The following PRDM16 variants were observed in gnomAD, a reference collection of about 807,000 sequenced individuals.
PRDM16 encodes PR/SET domain 16, also known as histone-lysine N-methyltransferase PRDM16.
Under a neutral mutation model 110.6 loss-of-function variants are expected in PRDM16, and 23 were observed. That is an observed-to-expected ratio of 0.21 (90% CI 0.15 to 0.29). PRDM16 has a LOEUF of 0.29. Ranked by LOEUF, PRDM16 falls within the 10% of genes least tolerant of loss-of-function variation. The pLI is 1.00. For missense variants in PRDM16, 1,615 were observed against 1,794.3 expected (o/e 0.90, Z 1.81); for synonymous variants, 799 against 781.8 (o/e 1.02, Z -0.37).
chr1:3,246,004 G>A lies in PRDM16; in HGVS notation c.438+1867G>A, dbSNP rs1483006581. Among the ~76,000 whole-genome samples the A allele has an allele frequency of 6.6e-6, 1 of 152,152 alleles. No individual in the cohort carries two copies. Among genetic ancestry groups the A allele is most frequent in the Non-Finnish European group, 1.5e-5 (1 of 68,042 alleles). On this transcript the variant is annotated intron_variant, in intron 3 of 16. Coordinates refer to ENST00000270722, the MANE Select transcript of PRDM16 (RefSeq NM_022114.4). The surrounding 1 kb of genome is among the most constrained non-coding windows in gnomAD (Gnocchi z 5.2). ...GTTAGAAGGGGATCAGTTTATGCTG[G>A]GAGGGGTTGCTTGGTCTAGGAACAG...
chr1:3,118,202 C>T (rs573755529), intron 1 of PRDM16, among the ~76,000 whole-genome samples: 14 of 152,030 alleles, frequency 9.2e-5, no homozygotes, highest in Non-Finnish European at 1.3e-4. Context: ...CATGTACACA[C>T]GCACACACGC....
In PRDM16 at chr1:3,430,907, G is replaced by A. The variant is rs1220618976; in HGVS notation, c.3320G>A (p.Cys1107Tyr). Residue 1107 changes from cysteine (C) to tyrosine (Y), a missense_variant, in exon 15 of 17, where the codon TGT (cysteine) becomes TAT (tyrosine). By Grantham distance (194) the Cys-to-Tyr change is radical. This residue lies in a region of PRDM16 where 327 missense variants were observed against 359.3 expected (regional missense o/e 0.91). Coordinates refer to ENST00000270722, the MANE Select transcript of PRDM16 (RefSeq NM_022114.4). ...DMQIVDGSAQ[C>Y]PGLASEKQED... is the part of the protein sequence containing the mutation. Reference sequence around the variant, plus strand: ...CAGATCGTGGACGGCAGTGCCCAGTGTCCAGGCCTAGCCAGTGAGAAGCAG... The same window carrying A: ...CAGATCGTGGACGGCAGTGCCCAGTATCCAGGCCTAGCCAGTGAGAAGCAG... The A allele has an allele frequency of 1.9e-6, 3 of 1,614,150 alleles. No homozygotes were observed. Among genetic ancestry groups the A allele is most frequent in the African/African-American group, 1.3e-5 (1 of 75,068 alleles).
chr1:3,098,007 T>C (rs980959667), intron 1 of PRDM16, among the ~76,000 whole-genome samples: 1 of 152,134 alleles, frequency 6.6e-6, no homozygotes, highest in African/African-American at 2.4e-5. Context: ...AGGTGTCCAA[T>C]GGTGCTCCTC....
At chr1:3,186,632 G>A (rs760452679) in intron 2 of PRDM16, 158 bp downstream of exon 2, 75 of 573,164 alleles carry the variant, frequency 1.3e-4, no homozygotes, top group South Asian at 5.2e-4. Context: ...CCTGCAGCTC[G>A]CCTGATGCGA....
At position 3,350,070 on chromosome 1, in the gene PRDM16, G is replaced by A. The variant is rs1316078557; in HGVS notation, c.439-35082G>A. On this transcript the variant is annotated intron_variant, in intron 3 of 16. Transcript: ENST00000270722. The surrounding 1 kb of genome is among the most constrained non-coding windows in gnomAD (Gnocchi z 7.1). ...GAAAAGACCTGGGGCCAGGTGCAGTGGCCCAAAATCCCAGCACCTTGGGAG... is the reference window on the plus strand; with the variant it reads ...GAAAAGACCTGGGGCCAGGTGCAGTAGCCCAAAATCCCAGCACCTTGGGAG... Among the ~76,000 whole-genome samples, 1 of 152,202 alleles carries A rather than the reference G, an allele frequency of 6.6e-6. No individual in the cohort carries two copies. The highest frequency in any genetic ancestry group is 1.5e-5 in the Non-Finnish European group (1 of 68,034).
intron 5 of PRDM16, among the ~76,000 whole-genome samples, chr1:3,401,532 A>G (rs1643467549): frequency 6.7e-6 from 1 of 149,382 alleles, no homozygotes; most frequent in African/African-American, 2.5e-5. Flanking sequence ...GCATACACAC[A>G]TTCATATACA....
intron 8 of PRDM16, among the ~76,000 whole-genome samples, chr1:3,410,987 T>C (rs1643675348): frequency 6.6e-6 from 1 of 152,170 alleles, no homozygotes; most frequent in Non-Finnish European, 1.5e-5. Context: ...CAGCAGGAAC[T>C]GTACCAACCG....
chr1:3,336,922 CTTGT>C (rs1293561688), intron 3 of PRDM16, among the ~76,000 whole-genome samples: 1 of 136,990 alleles, frequency 7.3e-6, no homozygotes, highest in African/African-American at 2.8e-5. Context: ...TGTGTGAATG[CTTGT>C]ATGCACATGT....
At chr1:3,298,227 A>T in intron 3 of PRDM16, among the ~76,000 whole-genome samples, 1 of 152,178 alleles carries the variant, frequency 6.6e-6, no homozygotes, top group East Asian at 1.9e-4. Flanking sequence ...TGTGCAGGGG[A>T]CACTTTCCTC....
At chr1:3,270,880 AG>A (rs1224096667) in intron 3 of PRDM16, among the ~76,000 whole-genome samples, 1 of 151,476 alleles carries the variant, frequency 6.6e-6, no homozygotes, top group Non-Finnish European at 1.5e-5. Context: ...ACAGTCCAGG[AG>A]GAGGACCGTT....
chr1:3,162,297 A>G (rs1038234508), intron 1 of PRDM16, among the ~76,000 whole-genome samples: 3 of 148,886 alleles, frequency 2.0e-5, no homozygotes, highest in African/African-American at 7.4e-5. Context: ...CTTTCTCATC[A>G]CCCGCCACAG....
intron 2 of PRDM16, among the ~76,000 whole-genome samples, chr1:3,189,946 G>T (rs897594754): frequency 6.6e-6 from 1 of 152,220 alleles, no homozygotes; most frequent in African/African-American, 2.4e-5. Flanking sequence ...TCTTGTTCTG[G>T]AGAATTCAGT....
intron 3 of PRDM16, among the ~76,000 whole-genome samples, chr1:3,375,643 G>C (rs1032569089): frequency 6.6e-6 from 1 of 152,206 alleles, no homozygotes; most frequent in Non-Finnish European, 1.5e-5. Context: ...TGTGGCAGGG[G>C]GCACAGCACA....
intron 3 of PRDM16, among the ~76,000 whole-genome samples, chr1:3,373,244 C>T (rs1453994916): frequency 3.9e-5 from 6 of 152,130 alleles, no homozygotes; most frequent in Non-Finnish European, 5.9e-5. Context: ...CGGCGGGAAA[C>T]GGCAACAATG....
Position 3,081,350 on chromosome 1 carries a change from C to T in PRDM16, c.37+12054C>T, listed in dbSNP as rs1206986030. ...TTGCGTCCGCTCCTGACAGGTGACC[C>T]TTGTTCAAAGGGAACGAGGGGCTGG... On this transcript the variant is annotated intron_variant, in intron 1 of 16. Coordinates refer to ENST00000270722, the MANE Select transcript of PRDM16 (RefSeq NM_022114.4). This position sits in a 1 kb window ranked among gnomAD's most constrained non-coding sequence, Gnocchi z 4.6. Among the ~76,000 whole-genome samples, 1 of 152,166 alleles carries T rather than the reference C, an allele frequency of 6.6e-6. No homozygotes were observed. Among genetic ancestry groups the T allele is most frequent in the Non-Finnish European group, 1.5e-5 (1 of 68,026 alleles).
chr1:3,335,958 G>A (rs1642137567), intron 3 of PRDM16, among the ~76,000 whole-genome samples: 1 of 152,250 alleles, frequency 6.6e-6, no homozygotes, highest in Non-Finnish European at 1.5e-5. Context: ...TCCTTACTGT[G>A]AACTCCGCTC....
chr1:3,408,495 T>A (rs745969904), intron 8 of PRDM16, among the ~76,000 whole-genome samples: 6 of 151,118 alleles, frequency 4.0e-5, no homozygotes, highest in South Asian at 2.1e-4. Flanking sequence ...AGTGTGTGAG[T>A]GTGGGCGCGT....
chr1:3,282,440 GGGGCCAGCGCCGCA>G (rs1640728766), intron 3 of PRDM16, among the ~76,000 whole-genome samples: 1 of 152,228 alleles, frequency 6.6e-6, no homozygotes, highest in Admixed American at 6.5e-5. Context: ...AGCAGAACCT[GGGGCCAGCGCCGCA>G]GGGCCCCCTG....
intron 12 of PRDM16, 39 bp downstream of exon 12, chr1:3,418,783 C>G: frequency 6.6e-7 from 1 of 1,505,622 alleles, no homozygotes; most frequent in East Asian, 2.3e-5. Context: ...GCGGGGCCGC[C>G]TGCCTCCGTG....
Sources: gnomAD v4.1 joint callset for allele counts (sites outside exome capture counted in the v4.1 genomes callset) on GRCh38, gnomAD v4.1.1 for gene constraint, gnomAD v4.1.1 regional missense constraint, Gnocchi (gnomAD v3.1) non-coding constraint, MANE v1.5 for transcripts, NCBI Gene and HGNC (gene_info 2026-07-23, HGNC 2026-07-21) for gene names.